SEH1L: variants seen among roughly 807,000 people sequenced by gnomAD.
SEH1L encodes SEH1 like nucleoporin, also known as nucleoporin SEH1.
A neutral mutation model predicts 49.5 loss-of-function variants in SEH1L; 18 were observed. That is an observed-to-expected ratio of 0.36 (90% CI 0.25 to 0.54). The LOEUF (loss-of-function observed/expected upper bound fraction) is 0.54. SEH1L is among the 20% of genes least tolerant of loss of function. The pLI is 0.87. For synonymous variants in SEH1L, 169 were observed against 178.1 expected (o/e 0.95, Z 0.41); for missense variants, 404 against 528.8 (o/e 0.76, Z 2.31).
In SEH1L at chr18:12,955,456, T is replaced by A; in HGVS notation, c.163-7T>A. The A allele has an allele frequency of 1.3e-6, 2 of 1,588,158 alleles. No individual in the cohort carries two copies. The highest frequency in any genetic ancestry group is 1.7e-6 in the Non-Finnish European group (2 of 1,170,018). ...TGTTCTTTTCTTTTTTTTTTTTGAT[T>A]CCCCAGACACATAGTGGATCTGTAT... On this transcript the variant is annotated splice_region_variant and splice_polypyrimidine_tract_variant and intron_variant, in intron 2 of 8. Coordinates refer to ENST00000399892, the MANE Select transcript of SEH1L (RefSeq NM_001013437.2).
intron 6 of SEH1L, among the ~76,000 whole-genome samples, chr18:12,980,914 C>T (rs1598979609): frequency 7.0e-6 from 1 of 143,004 alleles, no homozygotes; most frequent in South Asian, 2.3e-4. Context: ...GCTGGCCGGG[C>T]GGGGGGCTGA....
rs745489007 is a variant in SEH1L, at chr18:12,963,219, C to T, written c.369C>T (p.Pro123=). The T allele has an allele frequency of 6.2e-7, 1 of 1,613,976 alleles. No homozygotes were observed. The highest frequency in any genetic ancestry group is 1.1e-5 in the South Asian group (1 of 91,074). The stretch of plus-strand genomic sequence containing the variant: ...CTGTTACTGATGTGAAGTTTGCTCC[C>T]AAGCACATGGGTCTTATGTTAGCAA... ...RTSVTDVKFA[P]KHMGLMLATC... The change falls in exon 4 of 9, where the codon CCC becomes CCT. Residue 123 remains proline (P), a synonymous_variant. Coordinates refer to ENST00000399892, the MANE Select transcript of SEH1L (RefSeq NM_001013437.2).
At chr18:12,980,816 G>T (rs1215199177) in intron 6 of SEH1L, among the ~76,000 whole-genome samples, 1 of 117,292 alleles carries the variant, frequency 8.5e-6, no homozygotes, top group African/African-American at 3.2e-5. Context: ...CTGGCCGGGC[G>T]GGGGGCTGAC....
chr18:12,971,127 A>G (rs772759424), intron 4 of SEH1L, 26 bp from the exon 5 acceptor site: 2 of 1,507,300 alleles, frequency 1.3e-6, no homozygotes, highest in African/African-American at 1.4e-5. Context: ...TTTGTTATCT[A>G]AAATGTTCTT....
At chr18:12,953,839 C>T (rs1348323004) in intron 2 of SEH1L, among the ~76,000 whole-genome samples, 1 of 152,122 alleles carries the variant, frequency 6.6e-6, no homozygotes, top group Non-Finnish European at 1.5e-5. Flanking sequence ...TTCATATGTA[C>T]TTTTCTATAT....
chr18:12,975,671 C>T, intron 5 of SEH1L: 6 of 983,690 alleles, frequency 6.1e-6, no homozygotes, highest in Non-Finnish European at 7.2e-6. Flanking sequence ...TGATCTCTAT[C>T]CTGGCAGCAT....
At position 12,986,992 on chromosome 18, in the gene SEH1L, C is replaced by T; in HGVS notation, c.1201C>T (p.Pro401Ser). ...TGCTGACACTGCCAACCTCCAGTAT[C>T]CTCACCCTCGCAGACGATATCTCTC... ...CDADTANLQYPHPRRRYLSRP... is the reference protein window; with the variant it reads ...CDADTANLQYSHPRRRYLSRP... Residue 401 changes from proline to serine, a missense_variant, in exon 9 of 9, where the codon CCT becomes TCT. Coordinates refer to ENST00000399892, the MANE Select transcript of SEH1L (RefSeq NM_001013437.2). The T allele has an allele frequency of 6.2e-7, 1 of 1,613,848 alleles. No individual in the cohort carries two copies. Among genetic ancestry groups the T allele is most frequent in the Non-Finnish European group, 8.5e-7 (1 of 1,179,846 alleles).
intron 4 of SEH1L, among the ~76,000 whole-genome samples, chr18:12,965,157 T>C (rs1431468384): frequency 1.3e-5 from 2 of 151,500 alleles, no homozygotes; most frequent in Non-Finnish European, 1.5e-5. Flanking sequence ...GGACTACAGG[T>C]GCCTGCCACC....
intron 6 of SEH1L, among the ~76,000 whole-genome samples, chr18:12,980,210 G>A (rs1024282973): frequency 7.9e-4 from 53 of 67,148 alleles, no homozygotes; most frequent in African/African-American, 1.4e-3. Flanking sequence ...CGGGCGGGGG[G>A]CTGACCCCCC....
chr18:12,979,447 A>G (rs1351368531), intron 6 of SEH1L, among the ~76,000 whole-genome samples: 1 of 150,840 alleles, frequency 6.6e-6, no homozygotes, highest in Non-Finnish European at 1.5e-5. Context: ...GAACAAAATG[A>G]AAAGTCTCCC....
chr18:12,968,549 G>A (rs1412056194), intron 4 of SEH1L, among the ~76,000 whole-genome samples: 2 of 152,082 alleles, frequency 1.3e-5, no homozygotes, highest in Non-Finnish European at 2.9e-5. Flanking sequence ...TTGGAGGTTG[G>A]ACCTTCTGGA....
intron 1 of SEH1L, among the ~76,000 whole-genome samples, chr18:12,951,144 T>C (rs771789390): frequency 6.6e-6 from 1 of 152,220 alleles, no homozygotes; most frequent in Non-Finnish European, 1.5e-5. Flanking sequence ...GGTGAAAAAG[T>C]TTGAGTCTCA....
chr18:12,961,304 G>T (rs1323806412), intron 3 of SEH1L, among the ~76,000 whole-genome samples: 3 of 152,168 alleles, frequency 2.0e-5, no homozygotes, highest in Non-Finnish European at 2.9e-5. Context: ...TCAGGAAGCT[G>T]CTGATCACCA....
chr18:12,985,855 GA>G, intron 8 of SEH1L: 1 of 965,010 alleles, frequency 1.0e-6, no homozygotes, highest in Non-Finnish European at 1.2e-6. Flanking sequence ...ATAGTAAAAT[GA>G]AAGGAACTTG....
At chr18:12,975,588 A>T in intron 5 of SEH1L, 2 of 387,208 alleles carry the variant, frequency 5.2e-6, no homozygotes, top group Non-Finnish European at 7.1e-6. Context: ...TGGGGAGGCT[A>T]ATGCAGGAGA....
At chr18:12,986,617 C>T in intron 8 of SEH1L, 1 of 1,099,540 alleles carries the variant, frequency 9.1e-7, no homozygotes, top group Non-Finnish European at 1.1e-6. Flanking sequence ...TTAAGTTTAA[C>T]AGATTGTATT....
intron 5 of SEH1L, chr18:12,975,953 G>A: frequency 1.2e-6 from 1 of 826,656 alleles, no homozygotes; most frequent in Non-Finnish European, 1.5e-6. Flanking sequence ...AAAGAGGAGT[G>A]AATGTGGTAA....
At chr18:12,980,716 CGG>C (rs2032195574) in intron 6 of SEH1L, among the ~76,000 whole-genome samples, 2 of 83,924 alleles carry the variant, frequency 2.4e-5, no homozygotes, top group Admixed American at 1.0e-4. Flanking sequence ...ACTTCCCTCC[CGG>C]ACGGGGCGGC....
intron 3 of SEH1L, among the ~76,000 whole-genome samples, chr18:12,962,749 A>G (rs1598953330): frequency 6.6e-6 from 1 of 151,936 alleles, no homozygotes; most frequent in African/African-American, 2.4e-5. Flanking sequence ...TTGGGATTAC[A>G]GGTGTAAGCC....
Sources: gnomAD v4.1 joint callset for allele counts (sites outside exome capture counted in the v4.1 genomes callset) on GRCh38, gnomAD v4.1.1 for gene constraint, MANE v1.5 for transcripts, NCBI Gene and HGNC (gene_info 2026-07-23, HGNC 2026-07-21) for gene names.